Variants in TOP1 observed in about 807,000 individuals in gnomAD.
The protein encoded by TOP1 is DNA topoisomerase 1.
In TOP1, 10 loss-of-function variants were observed where a neutral mutation model predicts 111.1. That is an observed-to-expected ratio of 0.09 (90% confidence interval 0.06 to 0.15). The LOEUF is 0.15. TOP1 is among the 10% of genes least tolerant of loss of function. The pLI is 1.00. For missense variants in TOP1, 474 were observed against 926.7 expected, an observed-to-expected ratio of 0.51 and a Z score of 6.34; for synonymous variants, 271 against 302.9, an observed-to-expected ratio of 0.89 and a Z score of 1.10.
At chr20:41,111,905 C>T (rs1320716463) in intron 13 of TOP1, among the ~76,000 whole-genome samples, 1 of 152,114 alleles carries the variant, frequency 6.6e-6, no homozygotes, top group Non-Finnish European at 1.5e-5. Context: ...ATAATTGGCT[C>T]TTGCTTGTGA....
chr20:41,083,947 A>G lies in TOP1; in HGVS notation c.508-515A>G, dbSNP rs1284218039. Reference sequence around the variant, plus strand: ...AGGAATTGGTGTCATTTTAGAACCTATCAAATACTTGCTTACTGCATCATG... The same window carrying G: ...AGGAATTGGTGTCATTTTAGAACCTGTCAAATACTTGCTTACTGCATCATG... On this transcript the variant is annotated intron_variant, in intron 7 of 20. Transcript: ENST00000361337. The surrounding 1 kb of genome is among the most constrained non-coding windows in gnomAD (Gnocchi z 7.2). Among the ~76,000 whole-genome samples the G allele has an allele frequency of 6.6e-6, 1 of 152,180 alleles. No individual in the cohort carries two copies. The highest frequency in any genetic ancestry group is 1.5e-5 in the Non-Finnish European group (1 of 68,020).
chr20:41,059,855 AC>A (rs1264892852), intron 2 of TOP1, among the ~76,000 whole-genome samples: 3 of 152,224 alleles, frequency 2.0e-5, no homozygotes, highest in African/African-American at 7.2e-5. Flanking sequence ...TAGTAAGAAG[AC>A]CAAGAAAGAT....
chr20:41,077,097 T>C (rs1049604175), intron 4 of TOP1, among the ~76,000 whole-genome samples: 2 of 152,190 alleles, frequency 1.3e-5, no homozygotes, highest in African/African-American at 4.8e-5. Flanking sequence ...GTTTGTTTTT[T>C]AAATAAAGAT....
intron 11 of TOP1, among the ~76,000 whole-genome samples, chr20:41,099,497 A>G (rs2034028972): frequency 6.6e-6 from 1 of 152,180 alleles, no homozygotes; most frequent in South Asian, 2.1e-4. Flanking sequence ...ATAAGTATAT[A>G]AAACGCAGAG....
intron 13 of TOP1, among the ~76,000 whole-genome samples, chr20:41,108,680 C>T (rs77306281): frequency 0.068 from 10,294 of 152,236 alleles, 372 homozygotes; most frequent in Middle Eastern, 0.17. Flanking sequence ...CATTCTTTCT[C>T]TCCCACTCTG....
Position 41,046,478 on chromosome 20 carries a change from G to T in TOP1, c.59-14916G>T, listed in dbSNP as rs997914507. Among the ~76,000 whole-genome samples the T allele has an allele frequency of 1.3e-5, 2 of 152,164 alleles. No homozygotes were observed. The highest frequency in any genetic ancestry group is 4.8e-5 in the African/African-American group (2 of 41,430). On this transcript the variant is annotated intron_variant, in intron 2 of 20. Coordinates refer to ENST00000361337, the MANE Select transcript of TOP1 (RefSeq NM_003286.4). The surrounding 1 kb of genome is among the most constrained non-coding windows in gnomAD (Gnocchi z 4.3). ...TGGTGGAATTACCCATCAGACTGGGGGCGCCCATCTCTTCACTTATGATGT... is the reference window on the plus strand; with the variant it reads ...TGGTGGAATTACCCATCAGACTGGGTGCGCCCATCTCTTCACTTATGATGT...
Position 41,098,778 on chromosome 20 carries a change from A to G in TOP1, c.975+441A>G, listed in dbSNP as rs2034017447. 6.6e-6 allele frequency: 1 copy of G among 151,672 alleles called. No individual in the cohort carries two copies. Among genetic ancestry groups the G allele is most frequent in the African/African-American group, 2.4e-5 (1 of 41,148 alleles). The allele number at this position is 151,672 out of a possible 1,614,324, so 9.4% of individuals were successfully genotyped here. A position where few individuals can be genotyped will look rare whatever the true frequency, so the allele number is the denominator to read the frequency against. On this transcript the variant is annotated intron_variant, in intron 11 of 20. Coordinates refer to ENST00000361337, the MANE Select transcript of TOP1 (RefSeq NM_003286.4). The surrounding 1 kb of genome is among the most constrained non-coding windows in gnomAD (Gnocchi z 5.7). ...CCTTGGCCATCCTCATTACTGAAGG[A>G]TCTTTCTGGTATCCAGCTGGGATGT...
rs1189936709 is a variant in TOP1, at chr20:41,122,377, C to T, written c.2195+222C>T. Among the ~76,000 whole-genome samples the T allele has an allele frequency of 6.6e-6, 1 of 152,204 alleles. No homozygotes were observed. Among genetic ancestry groups the T allele is most frequent in the Non-Finnish European group, 1.5e-5 (1 of 68,038 alleles). On this transcript the variant is annotated intron_variant, in intron 20 of 20. Transcript: ENST00000361337. The surrounding 1 kb of genome is among the most constrained non-coding windows in gnomAD (Gnocchi z 5.4). ...CTCCTAAATGGTCAGTGCTGTTACACTGCCTTGTAGTGTATATTTTTAAGA... is the reference window on the plus strand; with the variant it reads ...CTCCTAAATGGTCAGTGCTGTTACATTGCCTTGTAGTGTATATTTTTAAGA...
At position 41,069,793 on chromosome 20, in the gene TOP1, A is replaced by G. The variant is rs2033648785; in HGVS notation, c.156-6378A>G. ...ATATTATATTTATCCCTATCATAGTACGCCATAATCATTGTTTTTAAGATT... is the reference window on the plus strand; with the variant it reads ...ATATTATATTTATCCCTATCATAGTGCGCCATAATCATTGTTTTTAAGATT... On this transcript the variant is annotated intron_variant, in intron 3 of 20. Transcript: ENST00000361337. This position sits in a 1 kb window ranked among gnomAD's most constrained non-coding sequence, Gnocchi z 4.1. 6.6e-6 allele frequency among the ~76,000 whole-genome samples: 1 copy of G among 152,222 alleles called. No homozygotes were observed. Among genetic ancestry groups the G allele is most frequent in the African/African-American group, 2.4e-5 (1 of 41,460 alleles).
chr20:41,070,262 A>G (rs1386991757), intron 3 of TOP1, among the ~76,000 whole-genome samples: 1 of 152,236 alleles, frequency 6.6e-6, no homozygotes, highest in East Asian at 1.9e-4. Flanking sequence ...AATGGGAGTT[A>G]GAATGGGTAT....
rs2145954341 is a variant in TOP1, at chr20:41,102,575, A to G, written c.1308+1222A>G. ...CAGTGAGCTGAGATCACGCCACTGCACTCCAGCCTGGGCAAGAGACTTAGA... is the reference window on the plus strand; with the variant it reads ...CAGTGAGCTGAGATCACGCCACTGCGCTCCAGCCTGGGCAAGAGACTTAGA... On this transcript the variant is annotated intron_variant, in intron 13 of 20. Transcript: ENST00000361337. The surrounding 1 kb of genome is among the most constrained non-coding windows in gnomAD (Gnocchi z 4.0). 6.6e-6 allele frequency among the ~76,000 whole-genome samples: 1 copy of G among 152,326 alleles called. No homozygotes were observed. The highest frequency in any genetic ancestry group is 1.5e-5 in the Non-Finnish European group (1 of 68,022).
At chr20:41,054,166 C>T (rs2033439876) in intron 2 of TOP1, among the ~76,000 whole-genome samples, 1 of 152,134 alleles carries the variant, frequency 6.6e-6, no homozygotes, top group African/African-American at 2.4e-5. Context: ...TGAATTGTAG[C>T]TCTCATAATC....
Position 41,067,318 on chromosome 20 carries a change from A to C in TOP1, c.155+5828A>C, listed in dbSNP as rs1160480520. On this transcript the variant is annotated intron_variant, in intron 3 of 20. Coordinates refer to ENST00000361337, the MANE Select transcript of TOP1 (RefSeq NM_003286.4). The surrounding 1 kb of genome is among the most constrained non-coding windows in gnomAD (Gnocchi z 4.0). The stretch of plus-strand genomic sequence containing the variant: ...GTATTTTTGGTAGAGACGAGGTTTC[A>C]CCATATTGGCCAGGCTGGTCTCGAA... Among the ~76,000 whole-genome samples the C allele has an allele frequency of 6.6e-6, 1 of 151,786 alleles. No homozygotes were observed. The highest frequency in any genetic ancestry group is 1.9e-4 in the East Asian group (1 of 5,142).
chr20:41,046,114 G>A lies in TOP1; in HGVS notation c.59-15280G>A, dbSNP rs1465316469. On this transcript the variant is annotated intron_variant, in intron 2 of 20. Coordinates refer to ENST00000361337, the MANE Select transcript of TOP1 (RefSeq NM_003286.4). This position sits in a 1 kb window ranked among gnomAD's most constrained non-coding sequence, Gnocchi z 4.3. ...TGTGATCAGTTTTCGTGGGATGCAA[G>A]GAGAAAATGAATAGGAATGAAATAA... is the stretch of plus-strand genomic sequence containing the variant. Among the ~76,000 whole-genome samples, 2 of 152,144 alleles carry A rather than the reference G, an allele frequency of 1.3e-5. No individual in the cohort carries two copies. Among genetic ancestry groups the A allele is most frequent in the East Asian group, 3.8e-4 (2 of 5,204 alleles).
rs2033087859 is a variant in TOP1, at chr20:41,029,466, C to A, written c.58+11C>A. ...ATTTCCGATTGAATGGTGAGTGTGC[C>A]CCCTGCGCCGACTCCGGGGCCCCCC... On this transcript the variant is annotated intron_variant, in intron 2 of 20. Transcript: ENST00000361337. The surrounding 1 kb of genome is among the most constrained non-coding windows in gnomAD (Gnocchi z 6.1). 1 of 1,554,560 alleles carries A rather than the reference C, an allele frequency of 6.4e-7. No individual in the cohort carries two copies. The highest frequency in any genetic ancestry group is 1.4e-5 in the African/African-American group (1 of 71,352).
intron 2 of TOP1, among the ~76,000 whole-genome samples, chr20:41,049,669 T>C (rs569438925): frequency 4.6e-5 from 7 of 152,320 alleles, no homozygotes; most frequent in South Asian, 2.1e-4. Flanking sequence ...GGTATTATGC[T>C]TATTATGAAA....
intron 2 of TOP1, among the ~76,000 whole-genome samples, chr20:41,060,551 T>C (rs1240516657): frequency 4.6e-5 from 7 of 152,218 alleles, no homozygotes; most frequent in Non-Finnish European, 1.0e-4. Context: ...CTTTCTGAGA[T>C]GATGGACTTG....
chr20:41,090,693 G>T (rs1568693262), intron 8 of TOP1, among the ~76,000 whole-genome samples: 1 of 150,850 alleles, frequency 6.6e-6, no homozygotes, highest in East Asian at 2.0e-4. Context: ...AGTAGAGACG[G>T]GGGGGTCTCG....
chr20:41,076,924 T>C (rs547161611), intron 4 of TOP1, among the ~76,000 whole-genome samples: 2 of 152,292 alleles, frequency 1.3e-5, no homozygotes, highest in East Asian at 3.9e-4. Flanking sequence ...AGATACTCTG[T>C]ATATCTGTAT....
Sources: gnomAD v4.1 joint callset for allele counts (sites outside exome capture counted in the v4.1 genomes callset) on GRCh38, gnomAD v4.1.1 for gene constraint, Gnocchi (gnomAD v3.1) non-coding constraint, MANE v1.5 for transcripts, NCBI Gene and HGNC (gene_info 2026-07-23, HGNC 2026-07-21) for gene names.